The following CCDC146 variants were observed in gnomAD, a reference collection of about 807,000 sequenced individuals.
CCDC146 encodes the protein coiled-coil domain containing 146.
CCDC146 carries 92 observed loss-of-function variants against 119.3 expected under a neutral mutation model. That is an observed-to-expected ratio of 0.77 (90% confidence interval 0.65 to 0.92). The LOEUF (loss-of-function observed/expected upper bound fraction) is 0.92. Ranked by LOEUF, CCDC146 falls within the 40% of genes least tolerant of loss-of-function variation. CCDC146 has a pLI of 0.00. For missense variants in CCDC146, 1,000 were observed against 1,103.0 expected (o/e 0.91, Z 1.32); for synonymous variants, 372 against 371.8 (o/e 1.00, Z -0.01).
chr7:77,133,995 T>C (rs1300787496), intron 1 of CCDC146, among the ~76,000 whole-genome samples: 1 of 152,146 alleles, frequency 6.6e-6, no homozygotes, highest in Non-Finnish European at 1.5e-5. Flanking sequence ...GGAGCATTCA[T>C]TCTAAGACCC....
intron 17 of CCDC146, among the ~76,000 whole-genome samples, chr7:77,290,761 C>T (rs1379534131): frequency 1.3e-5 from 2 of 152,116 alleles, no homozygotes; most frequent in East Asian, 3.8e-4. Flanking sequence ...ATGTATATTA[C>T]CTACCATTAA....
In CCDC146 at chr7:77,138,486, G is replaced by T. The variant is rs150208849; in HGVS notation, c.-12+15754G>T. Among the ~76,000 whole-genome samples the T allele has an allele frequency of 3.1e-3, 465 of 152,198 alleles. 2 individuals carry two copies. Among genetic ancestry groups the T allele is most frequent in the Non-Finnish European group, 5.8e-3 (394 of 67,998 alleles). ...CCTTGGGTTTGGTGAATACTTTTTA[G>T]ATACAACTCCAAAAGCATGATCCAT... is the stretch of plus-strand genomic sequence containing the variant. On this transcript the variant is annotated intron_variant, in intron 1 of 18. Transcript: ENST00000285871.
At chr7:77,127,167 C>T (rs1456052381) in intron 1 of CCDC146, among the ~76,000 whole-genome samples, 3 of 152,112 alleles carry the variant, frequency 2.0e-5, no homozygotes, top group Non-Finnish European at 2.9e-5. Flanking sequence ...AGGGAGCTCC[C>T]GCAGGCCAAC....
intron 1 of CCDC146, among the ~76,000 whole-genome samples, chr7:77,130,787 C>T (rs1423671033): frequency 6.7e-6 from 1 of 150,168 alleles, no homozygotes; most frequent in East Asian, 1.9e-4. Flanking sequence ...TTAGTAGAGA[C>T]GGGGTTTCAC....
At chr7:77,172,557 C>T (rs1209582928) in intron 2 of CCDC146, among the ~76,000 whole-genome samples, 2 of 152,202 alleles carry the variant, frequency 1.3e-5, no homozygotes, top group Non-Finnish European at 2.9e-5. Context: ...GCTCTCGTCT[C>T]ATATTGCCTG....
At chr7:77,193,700 C>T (rs907280303) in intron 2 of CCDC146, 6 of 151,336 alleles carry the variant, frequency 4.0e-5, no homozygotes, top group African/African-American at 1.5e-4. Context: ...TTTTTTTTCC[C>T]CTCAGTCATA....
rs779199740 is a variant in CCDC146, at chr7:77,260,072, G to T, written c.822G>T (p.Lys274Asn). 7 of 1,611,818 alleles carry T rather than the reference G, an allele frequency of 4.3e-6. No individual in the cohort carries two copies. Among genetic ancestry groups the T allele is most frequent in the Non-Finnish European group, 3.4e-6 (4 of 1,178,902 alleles). Residue 274 changes from lysine to asparagine, a missense_variant, in exon 8 of 19, where the codon AAG (lysine) becomes AAT (asparagine). Coordinates refer to ENST00000285871, the MANE Select transcript of CCDC146 (RefSeq NM_020879.3). Reference sequence around the variant, plus strand: ...TCAAAACGCTAAATGACTCCCTAAAGAAAGTTGAAAACAAGGTTAGTGCTA... The same window carrying T: ...TCAAAACGCTAAATGACTCCCTAAATAAAGTTGAAAACAAGGTTAGTGCTA... Reference protein sequence around the residue: ...QEVKTLNDSLKKVENKVSAIV... With the variant: ...QEVKTLNDSLNKVENKVSAIV...
Position 77,262,175 on chromosome 7 carries a change from T to A in CCDC146, c.1041T>A (p.His347Gln). Residue 347 changes from histidine (H) to glutamine (Q), a missense_variant, in exon 9 of 19, where the codon CAT (histidine) becomes CAA (glutamine). Transcript: ENST00000285871. ...GTCTCATTGACAAGCAGAACTACCA[T>A]GATGAACTTTCTCGTAAGCAAAGAG... ...RNSLIDKQNY[H>Q]DELSRKQREK... is the part of the protein sequence containing the mutation. The A allele has an allele frequency of 6.2e-7, 1 of 1,613,830 alleles. No individual in the cohort carries two copies. The highest frequency in any genetic ancestry group is 8.5e-7 in the Non-Finnish European group (1 of 1,179,874).
chr7:77,199,279 TA>T, intron 2 of CCDC146: 1 of 1,614,150 alleles, frequency 6.2e-7, no homozygotes, highest in Middle Eastern at 1.6e-4. Flanking sequence ...GCTGTCAACA[TA>T]ATTTTCTATG....
In CCDC146 at chr7:77,273,744, GCTTCACA is replaced by G; in HGVS notation, c.1225_1231del (p.Leu409ArgfsTer5). On this transcript the variant is annotated frameshift_variant, in exon 10 of 19. Coordinates refer to ENST00000285871, the MANE Select transcript of CCDC146 (RefSeq NM_020879.3). LOFTEE classifies it high-confidence loss of function. Reference sequence around the variant, plus strand: ...CTACATTATCTGAGAGAAGGCGAGAGCTTCACAAGGAAGTTGAAGTAGCTAAGAGGAA... The same window carrying G: ...CTACATTATCTGAGAGAAGGCGAGAGAGGAAGTTGAAGTAGCTAAGAGGAA... The G allele has an allele frequency of 6.2e-7, 1 of 1,610,374 alleles. No individual in the cohort carries two copies. The highest frequency in any genetic ancestry group is 8.5e-7 in the Non-Finnish European group (1 of 1,177,662).
chr7:77,155,239 GT>G (rs1791163380), intron 1 of CCDC146, among the ~76,000 whole-genome samples: 1 of 152,182 alleles, frequency 6.6e-6, no homozygotes. Flanking sequence ...TTGTCCTTTT[GT>G]TTGTAACTAT....
At chr7:77,135,490 A>G (rs538590757) in intron 1 of CCDC146, among the ~76,000 whole-genome samples, 26 of 152,184 alleles carry the variant, frequency 1.7e-4, no homozygotes, top group Non-Finnish European at 3.2e-4. Context: ...CGAGAGAGAG[A>G]GCGAAAGAAA....
At chr7:77,156,774 T>C (rs1373915116) in intron 1 of CCDC146, among the ~76,000 whole-genome samples, 18 of 152,198 alleles carry the variant, frequency 1.2e-4, no homozygotes, top group Admixed American at 1.1e-3. Context: ...GTCCATTAAA[T>C]GGATCTGAGG....
chr7:77,269,017 T>G (rs544816380), intron 9 of CCDC146, among the ~76,000 whole-genome samples: 1 of 152,368 alleles, frequency 6.6e-6, no homozygotes, highest in East Asian at 1.9e-4. Flanking sequence ...TATGGAAGTA[T>G]ATGTCCTTCC....
At chr7:77,212,027 G>A (rs144342961) in intron 2 of CCDC146, among the ~76,000 whole-genome samples, 1 of 152,268 alleles carries the variant, frequency 6.6e-6, no homozygotes, top group Non-Finnish European at 1.5e-5. Flanking sequence ...TGCCTGATAT[G>A]AGCATGATCA....
rs946974575 is a variant in CCDC146, at chr7:77,259,044, T to G, written c.734T>G (p.Ile245Arg). The G allele has an allele frequency of 1.2e-6, 2 of 1,610,602 alleles. No individual in the cohort carries two copies. The highest frequency in any genetic ancestry group is 1.7e-6 in the Non-Finnish European group (2 of 1,177,488). Residue 245 changes from isoleucine (I) to arginine (R), a missense_variant, in exon 7 of 19, where the codon ATA becomes AGA. Physicochemically the swap from Ile to Arg is moderately conservative, Grantham distance 97. Transcript: ENST00000285871. ...QTIPVQIGKE[I>R]EKITRKKVEM... The stretch of plus-strand genomic sequence containing the variant: ...ATTCCAGTACAAATTGGAAAAGAGA[T>G]AGAAAAAATAACACGCAAAAAAGTG...
intron 2 of CCDC146, among the ~76,000 whole-genome samples, chr7:77,186,558 G>A (rs895768051): frequency 3.9e-5 from 6 of 152,016 alleles, no homozygotes; most frequent in Admixed American, 3.9e-4. Context: ...AATAATGAAC[G>A]AGACCTACAA....
At position 77,295,171 on chromosome 7, in the gene CCDC146, A is replaced by AAT. The variant is rs1168198001; in HGVS notation, c.*306_*307insTA. The AAT allele has an allele frequency of 4.1e-6, 1 of 240,998 alleles. No homozygotes were observed. Among genetic ancestry groups the AAT allele is most frequent in the Admixed American group, 5.1e-5 (1 of 19,694 alleles). 14.9% of individuals were successfully genotyped at this position (240,998 alleles called of 1,614,324 possible). ...AATTTGTAGTAGGCAAGGTGCTATA[A>AAT]AAATGCACTAAAAATAAATCTGTTC... On this transcript the variant is annotated 3_prime_UTR_variant, in exon 19 of 19. Transcript: ENST00000285871.
chr7:77,162,473 T>C (rs552822035), intron 1 of CCDC146, among the ~76,000 whole-genome samples: 1 of 152,346 alleles, frequency 6.6e-6, no homozygotes, highest in African/African-American at 2.4e-5. Context: ...TTCTGGGCTC[T>C]CTATTTTGTT....
Sources: gnomAD v4.1 joint callset for allele counts (sites outside exome capture counted in the v4.1 genomes callset) on GRCh38, gnomAD v4.1.1 for gene constraint, MANE v1.5 for transcripts, NCBI Gene and HGNC (gene_info 2026-07-23, HGNC 2026-07-21) for gene names.